SCN9A: variants seen among roughly 807,000 people sequenced by gnomAD.
The protein encoded by SCN9A is sodium voltage-gated channel alpha subunit 9.
A neutral mutation model predicts 187.0 loss-of-function variants in SCN9A; 131 were observed. The ratio of observed to expected loss-of-function variants is 0.70; its 90% CI spans 0.61 to 0.81. The LOEUF (loss-of-function observed/expected upper bound fraction) is 0.81. SCN9A is among the 30% of genes least tolerant of loss of function. SCN9A has a pLI of 0.00. For synonymous variants in SCN9A, 809 were observed against 808.6 expected (o/e 1.00, Z -0.01); for missense variants, 2,252 against 2,396.6 (o/e 0.94, Z 1.26).
At chr2:166,300,014 G>C (rs1698485841) in intron 7 of SCN9A, among the ~76,000 whole-genome samples, 1 of 150,364 alleles carries the variant, frequency 6.7e-6, no homozygotes, top group Non-Finnish European at 1.5e-5. Flanking sequence ...TCATTTCTCT[G>C]CCATCACTCT....
chr2:166,293,647 C>A (rs1317659751), intron 8 of SCN9A, among the ~76,000 whole-genome samples: 1 of 152,168 alleles, frequency 6.6e-6, no homozygotes, highest in Non-Finnish European at 1.5e-5. Context: ...ACTTAGCTTA[C>A]ATCCTGCACA....
At chr2:166,327,461 T>A (rs1006699743) in intron 1 of SCN9A, among the ~76,000 whole-genome samples, 1 of 152,184 alleles carries the variant, frequency 6.6e-6, no homozygotes, top group African/African-American at 2.4e-5. Flanking sequence ...CTGGCACAAT[T>A]TTTTAAATTG....
chr2:166,313,554 C>T (rs1699031968), intron 1 of SCN9A, among the ~76,000 whole-genome samples: 1 of 152,158 alleles, frequency 6.6e-6, no homozygotes, highest in Non-Finnish European at 1.5e-5. Flanking sequence ...CTTCACCTCT[C>T]AGCCTTCATA....
At chr2:166,277,779 GA>G in intron 15 of SCN9A, 1 of 225,432 alleles carries the variant, frequency 4.4e-6, no homozygotes, top group Non-Finnish European at 8.5e-6. Context: ...TGTTTTGGGG[GA>G]TAACAATTTG....
chr2:166,209,756 G>C (rs1028427884), intron 24 of SCN9A, among the ~76,000 whole-genome samples: 1 of 151,504 alleles, frequency 6.6e-6, no homozygotes, highest in Admixed American at 6.6e-5. Context: ...ACCGCAATGA[G>C]ATACCATCTC....
chr2:166,209,138 A>G (rs749803410), intron 24 of SCN9A, among the ~76,000 whole-genome samples: 1 of 152,224 alleles, frequency 6.6e-6, no homozygotes, highest in Non-Finnish European at 1.5e-5. Flanking sequence ...GCTGACTGGC[A>G]AAGGTCTTGC....
chr2:166,262,236 T>C (rs1696539556), intron 17 of SCN9A, among the ~76,000 whole-genome samples: 1 of 151,870 alleles, frequency 6.6e-6, no homozygotes, highest in Non-Finnish European at 1.5e-5. Context: ...CATTAATATA[T>C]GCAAAAATAA....
intron 19 of SCN9A, among the ~76,000 whole-genome samples, chr2:166,242,194 A>G (rs946476730): frequency 6.6e-6 from 1 of 152,112 alleles, no homozygotes; most frequent in Non-Finnish European, 1.5e-5. Context: ...CTACAGGGAA[A>G]GTGCTTTCAG....
At chr2:166,322,448 C>T (rs1041651867) in intron 1 of SCN9A, among the ~76,000 whole-genome samples, 1 of 152,084 alleles carries the variant, frequency 6.6e-6, no homozygotes, top group African/African-American at 2.4e-5. Flanking sequence ...GATGACATAA[C>T]CTCTCTGAGC....
chr2:166,281,946 A>G (rs1480697257), intron 12 of SCN9A, 138 bp from the exon 13 acceptor site: 2 of 676,056 alleles, frequency 3.0e-6, no homozygotes, highest in East Asian at 2.7e-5. Context: ...TGGCTCTGCT[A>G]CTTACTGGCT....
chr2:166,207,536 G>T (rs981905960), intron 24 of SCN9A, among the ~76,000 whole-genome samples: 2 of 151,968 alleles, frequency 1.3e-5, no homozygotes, highest in African/African-American at 4.8e-5. Flanking sequence ...CACCTCCTGG[G>T]TTCAAGTAAT....
At chr2:166,266,993 A>G (rs759119359) in intron 17 of SCN9A, among the ~76,000 whole-genome samples, 9 of 151,920 alleles carry the variant, frequency 5.9e-5, no homozygotes, top group Non-Finnish European at 8.8e-5. Flanking sequence ...ATCAGATCAT[A>G]TAAAAACAAA....
chr2:166,322,997 C>T (rs1205472416), intron 1 of SCN9A, among the ~76,000 whole-genome samples: 1 of 152,164 alleles, frequency 6.6e-6, no homozygotes, highest in Non-Finnish European at 1.5e-5. Flanking sequence ...AGGATTGGGT[C>T]ACTGCAGAAT....
At chr2:166,223,637 T>C (rs889636380) in intron 24 of SCN9A, among the ~76,000 whole-genome samples, 2 of 152,232 alleles carry the variant, frequency 1.3e-5, no homozygotes, top group African/African-American at 2.4e-5. Context: ...GATGAATAAG[T>C]TCTAGGGACT....
intron 17 of SCN9A, among the ~76,000 whole-genome samples, chr2:166,255,491 T>C (rs890176406): frequency 6.6e-6 from 1 of 151,492 alleles, no homozygotes; most frequent in African/African-American, 2.4e-5. Flanking sequence ...GCTAGTTATT[T>C]ATTGTTCCAA....
intron 17 of SCN9A, among the ~76,000 whole-genome samples, chr2:166,271,409 A>C (rs934159116): frequency 1.3e-5 from 2 of 152,120 alleles, no homozygotes; most frequent in Non-Finnish European, 2.9e-5. Context: ...TGACTGGAGA[A>C]GGAAATCCCA....
rs776886490 is a variant in SCN9A at position 166,294,624 on chromosome 2, G to T, written c.940C>A (p.Leu314Ile). ...YYLEGSKDAL[L>I]CGFSTDSGQC... ...CCTGAATCTGTGCTGAAACCACAAA[G>T]GAGAGCATCTTTGGATCCTTCCAAG... The change falls in exon 8 of 27, where the codon CTT becomes ATT. Residue 314 changes from leucine to isoleucine, a missense_variant. Physicochemically the swap from Leu to Ile is conservative, Grantham distance 5. This residue lies in a region of SCN9A where 1,013 missense variants were observed against 997.4 expected (regional missense o/e 1.02). Coordinates refer to ENST00000642356, the MANE Select transcript of SCN9A (RefSeq NM_001365536.1). 2.5e-6 allele frequency: 4 copies of T among 1,610,586 alleles called. No individual in the cohort carries two copies. Among genetic ancestry groups the T allele is most frequent in the Non-Finnish European group, 3.4e-6 (4 of 1,177,980 alleles).
At chr2:166,257,504 A>T (rs1389877956) in intron 17 of SCN9A, among the ~76,000 whole-genome samples, 3 of 151,654 alleles carry the variant, frequency 2.0e-5, no homozygotes, top group Non-Finnish European at 3.0e-5. Context: ...TGAAAATATA[A>T]ATAGAAATTT....
chr2:166,266,289 C>A (rs1696734824), intron 17 of SCN9A, among the ~76,000 whole-genome samples: 1 of 151,840 alleles, frequency 6.6e-6, no homozygotes, highest in African/African-American at 2.4e-5. Context: ...TGTGGCTATT[C>A]AGTTTGCCCA....
Sources: gnomAD v4.1 joint callset for allele counts (sites outside exome capture counted in the v4.1 genomes callset) on GRCh38, gnomAD v4.1.1 for gene constraint, gnomAD v4.1.1 regional missense constraint, MANE v1.5 for transcripts, NCBI Gene and HGNC (gene_info 2026-07-23, HGNC 2026-07-21) for gene names.